Variants in PLEKHA5 observed in about 807,000 individuals in gnomAD.
PLEKHA5 encodes the protein pleckstrin homology domain containing A5.
In PLEKHA5, 55 loss-of-function variants were observed where a neutral mutation model predicts 181.9. The observed-to-expected ratio is 0.30, with a 90% CI of 0.24 to 0.38. PLEKHA5 has a LOEUF of 0.38. Ranked by LOEUF, PLEKHA5 falls within the 10% of genes least tolerant of loss-of-function variation. PLEKHA5 has a pLI of 1.00. For synonymous variants in PLEKHA5, 535 were observed against 529.4 expected, an observed-to-expected ratio of 1.01 and a Z score of -0.15; for missense variants, 1,432 against 1,549.5, an observed-to-expected ratio of 0.92 and a Z score of 1.27.
chr12:19,142,275 A>C (rs73343031), intron 3 of PLEKHA5, among the ~76,000 whole-genome samples: 68 of 152,270 alleles, frequency 4.5e-4, no homozygotes, highest in African/African-American at 1.6e-3. Flanking sequence ...AGGCTGAGGC[A>C]GAAGGATTGC....
intron 3 of PLEKHA5, among the ~76,000 whole-genome samples, chr12:19,212,884 A>G (rs1592083954): frequency 6.7e-6 from 1 of 148,162 alleles, no homozygotes; most frequent in African/African-American, 2.5e-5. Flanking sequence ...TAAGTGGCAG[A>G]GTTAGAATTT....
chr12:19,150,394 G>A (rs933591227), intron 3 of PLEKHA5: 8 of 152,142 alleles, frequency 5.3e-5, no homozygotes, highest in Non-Finnish European at 1.0e-4. Flanking sequence ...GACCTCCCCT[G>A]TTCTGCCCAC....
chr12:19,365,544 T>C (rs888449804), intron 29 of PLEKHA5, among the ~76,000 whole-genome samples: 2 of 152,178 alleles, frequency 1.3e-5, no homozygotes, highest in Admixed American at 1.3e-4. Context: ...TTAAGGAATT[T>C]GTCAGGCAAT....
At chr12:19,183,105 A>G (rs1422241104) in intron 3 of PLEKHA5, among the ~76,000 whole-genome samples, 1 of 152,230 alleles carries the variant, frequency 6.6e-6, no homozygotes, top group Non-Finnish European at 1.5e-5. Flanking sequence ...AGGAGATTAA[A>G]AGGAGAGTGG....
intron 3 of PLEKHA5, among the ~76,000 whole-genome samples, chr12:19,211,593 C>A (rs1360049162): frequency 6.6e-6 from 1 of 152,034 alleles, no homozygotes; most frequent in Non-Finnish European, 1.5e-5. Flanking sequence ...ATTCTGGCCT[C>A]TAGAGCTGAA....
chr12:19,330,387 CT>C (rs1399993648), intron 20 of PLEKHA5, among the ~76,000 whole-genome samples: 1 of 151,896 alleles, frequency 6.6e-6, no homozygotes, highest in Non-Finnish European at 1.5e-5. Context: ...AGTTGGTGCC[CT>C]TTTAAACATC....
At chr12:19,163,215 C>T (rs1212592766) in intron 3 of PLEKHA5, among the ~76,000 whole-genome samples, 10 of 150,464 alleles carry the variant, frequency 6.6e-5, no homozygotes, top group South Asian at 4.2e-4. Flanking sequence ...CTCACTCTAT[C>T]GCCCAGGCTG....
intron 15 of PLEKHA5, among the ~76,000 whole-genome samples, chr12:19,297,693 G>A (rs2080251284): frequency 6.8e-6 from 1 of 147,400 alleles, no homozygotes; most frequent in African/African-American, 2.5e-5. Context: ...GCATGAAAAT[G>A]TTTAAGGTTT....
Position 19,251,363 on chromosome 12 carries a change from C to T in PLEKHA5, c.228-2577C>T, listed in dbSNP as rs555242431. ...CAGAGGTTGCAGTGATCTGAGATTG[C>T]GCCACTTCACTGCAGCCTGGGCAAC... On this transcript the variant is annotated intron_variant, in intron 3 of 31. Coordinates refer to ENST00000429027, the MANE Select transcript of PLEKHA5 (RefSeq NM_001256470.2). 1.2e-4 allele frequency among the ~76,000 whole-genome samples: 18 copies of T among 148,984 alleles called. No individual in the cohort carries two copies. In the South Asian group the frequency reaches 3.2e-3, roughly 26 times the overall value.
intron 3 of PLEKHA5, among the ~76,000 whole-genome samples, chr12:19,229,700 G>A (rs2060193365): frequency 6.6e-6 from 1 of 152,210 alleles, no homozygotes; most frequent in Non-Finnish European, 1.5e-5. Context: ...GACCCAAGCA[G>A]GTTGCCACTG....
Position 19,291,661 on chromosome 12 carries a change from T to C in PLEKHA5, c.2001T>C (p.His667=), listed in dbSNP as rs1266963294. 1.3e-5 allele frequency: 19 copies of C among 1,518,262 alleles called. No individual in the cohort carries two copies. The highest frequency in any genetic ancestry group is 1.3e-5 in the Non-Finnish European group (15 of 1,131,702). 94.0% of individuals were successfully genotyped at this position (1,518,262 alleles called of 1,614,324 possible). ...AHSPKNEILS[H]HLQRNTIYLD... is the part of the protein sequence containing the mutation. ...CCTACTAGAATGAAATTCTTTCACATCATCTCCAAAGGAACACCATATATT... is the reference window on the plus strand; with the variant it reads ...CCTACTAGAATGAAATTCTTTCACACCATCTCCAAAGGAACACCATATATT... Residue 667 remains histidine, a synonymous_variant, in exon 15 of 32, where the codon CAT becomes CAC. Coordinates refer to ENST00000429027, the MANE Select transcript of PLEKHA5 (RefSeq NM_001256470.2).
intron 15 of PLEKHA5, 68 bp downstream of exon 15, chr12:19,291,765 C>A: frequency 1.3e-6 from 1 of 794,612 alleles, no homozygotes; most frequent in Non-Finnish European, 2.0e-6. Context: ...TACAGTTTTT[C>A]AGGCTTCTCA....
intron 3 of PLEKHA5, among the ~76,000 whole-genome samples, chr12:19,222,026 G>A (rs1025198783): frequency 6.6e-6 from 1 of 152,102 alleles, no homozygotes; most frequent in Non-Finnish European, 1.5e-5. Context: ...GGAGGCTGAG[G>A]TTAGAAGGAT....
chr12:19,352,384 CAAAA>C (rs200203166), intron 25 of PLEKHA5, among the ~76,000 whole-genome samples: 2 of 124,326 alleles, frequency 1.6e-5, no homozygotes, highest in Admixed American at 1.6e-4. Context: ...GACTCCATCT[CAAAA>C]AAAAAAAAGA....
chr12:19,320,436 A>G, intron 17 of PLEKHA5, 126 bp from the exon 18 acceptor site: 1 of 514,252 alleles, frequency 1.9e-6, no homozygotes, highest in Non-Finnish European at 3.4e-6. Context: ...CTAAAAGTGT[A>G]AGAATCATTA....
intron 3 of PLEKHA5, among the ~76,000 whole-genome samples, chr12:19,227,585 G>A (rs1445937053): frequency 1.3e-5 from 2 of 152,232 alleles, no homozygotes; most frequent in South Asian, 2.1e-4. Flanking sequence ...CTCTCATTAT[G>A]TCCAGAAGGT....
chr12:19,327,265 A>G (rs1258819691), intron 20 of PLEKHA5, among the ~76,000 whole-genome samples: 1 of 64,112 alleles, frequency 1.6e-5, no homozygotes, highest in Non-Finnish European at 3.8e-5. Flanking sequence ...TTTTTTTTTT[A>G]CTTTTTAATA....
intron 3 of PLEKHA5, among the ~76,000 whole-genome samples, chr12:19,143,417 A>G (rs138148438): frequency 2.5e-4 from 38 of 152,236 alleles, no homozygotes; most frequent in African/African-American, 8.7e-4. Context: ...TTTTTTTCTT[A>G]TAGAAGCAAT....
At chr12:19,162,869 G>A (rs1011802727) in intron 3 of PLEKHA5, among the ~76,000 whole-genome samples, 2 of 152,152 alleles carry the variant, frequency 1.3e-5, no homozygotes, top group Non-Finnish European at 2.9e-5. Flanking sequence ...AATATTTAAA[G>A]TGTGTGAGGT....
Sources: allele counts gnomAD v4.1 joint callset (sites outside exome capture counted in the v4.1 genomes callset), GRCh38; gene constraint gnomAD v4.1.1; transcripts MANE v1.5; gene names NCBI Gene and HGNC (gene_info 2026-07-23, HGNC 2026-07-21).